GRPEL2: variants seen among roughly 807,000 people sequenced by gnomAD.
GRPEL2 encodes the protein grpE protein homolog 2, mitochondrial.
Under a neutral mutation model 25.9 loss-of-function variants are expected in GRPEL2, and 18 were observed. The observed-to-expected ratio is 0.70, with a 90% confidence interval of 0.48 to 1.03. The LOEUF (loss-of-function observed/expected upper bound fraction) is 1.03, where lower values mean the gene tolerates loss of function less well. Among genes scored for constraint, GRPEL2 ranks in the 50% least tolerant of loss-of-function variants. GRPEL2 has a pLI of 0.00. For synonymous variants in GRPEL2, 106 were observed against 107.9 expected (o/e 0.98, Z 0.11); for missense variants, 247 against 276.2 (o/e 0.89, Z 0.75).
chr5:149,352,694 T>C lies in GRPEL2; in HGVS notation c.*1412T>C, dbSNP rs541423366. On this transcript the variant is annotated 3_prime_UTR_variant, in exon 4 of 4. Transcript: ENST00000329271. ...CAGATTTTAGGAAGGCAGTCAATTA[T>C]GGATATTTTAATGTTGGAAGAGGCC... The C allele has an allele frequency of 3.9e-5, 6 of 152,196 alleles. No individual in the cohort carries two copies. The highest frequency in any genetic ancestry group is 4.4e-5 in the Non-Finnish European group (3 of 68,046). The allele number at this position is 152,196 out of a possible 1,614,324, so 9.4% of individuals were successfully genotyped here. A position where few individuals can be genotyped will look rare whatever the true frequency, so the allele number is the denominator to read the frequency against.
Position 149,349,672 on chromosome 5 carries a change from A to G in GRPEL2, c.250A>G (p.Ile84Val), listed in dbSNP as rs138111749. The change falls in exon 3 of 4, where the codon ATA becomes GTA. Residue 84 changes from isoleucine (I) to valine (V), a missense_variant. By Grantham distance (29) the Ile-to-Val change is conservative (BLOSUM62 3). Coordinates refer to ENST00000329271, the MANE Select transcript of GRPEL2 (RefSeq NM_152407.4). ...TATTCAGGTGAGATACCAGAGAGCT[A>G]TAGCTGATTGTGAAAACATAAGGAG... ...QDLTVRYQRA[I>V]ADCENIRRRT... The G allele has an allele frequency of 6.5e-5, 105 of 1,612,734 alleles. 3 individuals carry two copies. In the East Asian group the frequency reaches 7.8e-4, roughly 12 times the overall value.
chr5:149,345,502 A>C lies in GRPEL2; in HGVS notation c.-38A>C, dbSNP rs758529946. The C allele has an allele frequency of 1.3e-6, 2 of 1,580,744 alleles. No individual in the cohort carries two copies. Among genetic ancestry groups the C allele is most frequent in the Non-Finnish European group, 1.7e-6 (2 of 1,158,608 alleles). ...GCGGGAGCATCTCTTCACTCGCAGC[A>C]AGTGCGCGTGCGCTGCCTCTCAGCC... On this transcript the variant is annotated 5_prime_UTR_variant, in exon 1 of 4. Coordinates refer to ENST00000329271, the MANE Select transcript of GRPEL2 (RefSeq NM_152407.4).
intron 3 of GRPEL2, among the ~76,000 whole-genome samples, chr5:149,350,537 A>G (rs972294160): frequency 3.3e-5 from 5 of 152,250 alleles, no homozygotes; most frequent in African/African-American, 1.2e-4. Context: ...AATGTATGCC[A>G]TAGCACAACT....
chr5:149,348,164 A>T (rs545688823), intron 1 of GRPEL2, 108 bp from the exon 2 acceptor site: 1 of 1,004,556 alleles, frequency 1.0e-6, no homozygotes, highest in Admixed American at 2.6e-5. Context: ...AACTGAAAAC[A>T]CTTTCTCCAG....
Position 149,351,438 on chromosome 5 carries a change from T to C in GRPEL2, c.*156T>C. 1 of 805,576 alleles carries C rather than the reference T, an allele frequency of 1.2e-6. No individual in the cohort carries two copies. The highest frequency in any genetic ancestry group is 1.9e-6 in the Non-Finnish European group (1 of 528,832). The allele number at this position is 805,576 out of a possible 1,614,324, so 49.9% of individuals were successfully genotyped here. On this transcript the variant is annotated 3_prime_UTR_variant, in exon 4 of 4. Transcript: ENST00000329271. ...TTTCTAAGATATTCTATTGATTTAA[T>C]GTGACCTGTTTGGTCTCATCAGAAG...
At chr5:149,346,884 C>A (rs1239469622) in intron 1 of GRPEL2, among the ~76,000 whole-genome samples, 1 of 151,594 alleles carries the variant, frequency 6.6e-6, no homozygotes, top group Non-Finnish European at 1.5e-5. Context: ...ACTACAGGCG[C>A]CCGCCACTAC....
chr5:149,349,686 A>G lies in GRPEL2; in HGVS notation c.264A>G (p.Glu88=). ...ACCAGAGAGCTATAGCTGATTGTGA[A>G]AACATAAGGAGGCGAACCCAGAGAT... is the stretch of plus-strand genomic sequence containing the variant. ...VRYQRAIADC[E]NIRRRTQRCV... is the part of the protein sequence containing the mutation. Residue 88 remains glutamate, a synonymous_variant, in exon 3 of 4, where the codon GAA becomes GAG. Coordinates refer to ENST00000329271, the MANE Select transcript of GRPEL2 (RefSeq NM_152407.4). The G allele has an allele frequency of 6.2e-7, 1 of 1,613,534 alleles. No individual in the cohort carries two copies. The highest frequency in any genetic ancestry group is 2.2e-5 in the East Asian group (1 of 44,864).
At chr5:149,347,539 G>T (rs1212071672) in intron 1 of GRPEL2, among the ~76,000 whole-genome samples, 1 of 152,178 alleles carries the variant, frequency 6.6e-6, no homozygotes, top group Non-Finnish European at 1.5e-5. Flanking sequence ...ATTTATTTCT[G>T]TGTAAACTGA....
rs1757812410 is a variant in GRPEL2, at chr5:149,353,670, T to C, written c.*2388T>C. On this transcript the variant is annotated 3_prime_UTR_variant, in exon 4 of 4. Transcript: ENST00000329271. ...CCAGGCTAGAAGAATTTTCTAATGG[T>C]CTATTACACCTCCCGTTTTGGCAAG... The C allele has an allele frequency of 6.6e-6, 1 of 152,048 alleles. No homozygotes were observed. Among genetic ancestry groups the C allele is most frequent in the African/African-American group, 2.4e-5 (1 of 41,414 alleles). 9.4% of individuals were successfully genotyped at this position (152,048 alleles called of 1,614,324 possible).
rs760182229 is a variant in GRPEL2 at position 149,349,755 on chromosome 5, T to C, written c.313+20T>C. 1.9e-6 allele frequency: 3 copies of C among 1,588,898 alleles called. No homozygotes were observed. The highest frequency in any genetic ancestry group is 2.6e-6 in the Non-Finnish European group (3 of 1,157,526). ...TATTTGGTGAGAGATTTATTTACAA[T>C]AAAAATGTCTTTGGTTGGGCACAGT... is the stretch of plus-strand genomic sequence containing the variant. On this transcript the variant is annotated intron_variant, in intron 3 of 3. Coordinates refer to ENST00000329271, the MANE Select transcript of GRPEL2 (RefSeq NM_152407.4).
chr5:149,345,705 C>G, intron 1 of GRPEL2, 89 bp downstream of exon 1: 1 of 1,126,518 alleles, frequency 8.9e-7, no homozygotes, highest in South Asian at 1.4e-5. Context: ...AAGGCGAGAG[C>G]TATCTGAGCG....
At chr5:149,346,982 C>T (rs1447822255) in intron 1 of GRPEL2, among the ~76,000 whole-genome samples, 2 of 152,092 alleles carry the variant, frequency 1.3e-5, no homozygotes, top group African/African-American at 2.4e-5. Flanking sequence ...GCCTCGGCCT[C>T]CCAAAGTGCT....
intron 1 of GRPEL2, among the ~76,000 whole-genome samples, chr5:149,346,713 GAA>G (rs1491474029): frequency 9.4e-6 from 1 of 106,854 alleles, no homozygotes; most frequent in African/African-American, 3.8e-5. Flanking sequence ...CTGGCCCTGA[GAA>G]TTTTTTTTTT....
At chr5:149,347,552 T>G (rs924703703) in intron 1 of GRPEL2, among the ~76,000 whole-genome samples, 4 of 152,244 alleles carry the variant, frequency 2.6e-5, no homozygotes, top group Non-Finnish European at 5.9e-5. Flanking sequence ...TAAACTGAAC[T>G]AAATGTCAAA....
At chr5:149,345,923 T>C (rs954090603) in intron 1 of GRPEL2, 1 of 394,904 alleles carries the variant, frequency 2.5e-6, no homozygotes, top group Non-Finnish European at 4.6e-6. Flanking sequence ...TCTCCCAGCC[T>C]GTGGTACCTG....
intron 1 of GRPEL2, chr5:149,345,849 T>C: frequency 3.5e-6 from 2 of 569,726 alleles, no homozygotes; most frequent in East Asian, 3.0e-5. Flanking sequence ...AGGTCATGCA[T>C]GGCCTGGAAG....
At chr5:149,348,834 A>C (rs1227547654) in intron 2 of GRPEL2, among the ~76,000 whole-genome samples, 3 of 152,200 alleles carry the variant, frequency 2.0e-5, no homozygotes, top group Admixed American at 1.3e-4. Flanking sequence ...AGGGAGATAG[A>C]TAAACTAGAG....
At position 149,353,684 on chromosome 5, in the gene GRPEL2, C is replaced by G. The variant is rs1239243675; in HGVS notation, c.*2402C>G. 6.6e-6 allele frequency: 1 copy of G among 152,096 alleles called. No homozygotes were observed. The highest frequency in any genetic ancestry group is 1.5e-5 in the Non-Finnish European group (1 of 68,014). The allele number at this position is 152,096 out of a possible 1,614,324, so 9.4% of individuals were successfully genotyped here. A position where few individuals can be genotyped will look rare whatever the true frequency, so the allele number is the denominator to read the frequency against. On this transcript the variant is annotated 3_prime_UTR_variant, in exon 4 of 4. Coordinates refer to ENST00000329271, the MANE Select transcript of GRPEL2 (RefSeq NM_152407.4). Reference sequence around the variant, plus strand: ...TTTTCTAATGGTCTATTACACCTCCCGTTTTGGCAAGTAAATTCAGAATAA... The same window carrying G: ...TTTTCTAATGGTCTATTACACCTCCGGTTTTGGCAAGTAAATTCAGAATAA...
At position 149,348,096 on chromosome 5, in the gene GRPEL2, C is replaced by T. The variant is rs535605889; in HGVS notation, c.78-176C>T. ...ATTGTTGTGAGAGGAAAAGATGACT[C>T]AAGTAAAACAGTGTCTGGTACATGG... On this transcript the variant is annotated intron_variant, in intron 1 of 3. Transcript: ENST00000329271. 5.6e-6 allele frequency: 3 copies of T among 537,184 alleles called. No homozygotes were observed. In the African/African-American group the frequency reaches 5.8e-5, roughly 10 times the overall value. The allele number at this position is 537,184 out of a possible 1,614,324, so 33.3% of individuals were successfully genotyped here.
Sources: allele counts gnomAD v4.1 joint callset (sites outside exome capture counted in the v4.1 genomes callset), GRCh38; gene constraint gnomAD v4.1.1; transcripts MANE v1.5; gene names NCBI Gene and HGNC (gene_info 2026-07-23, HGNC 2026-07-21).